DLG2: variants seen among roughly 807,000 people sequenced by gnomAD.
DLG2 encodes discs large MAGUK scaffold protein 2.
In DLG2, 45 loss-of-function variants were observed where a neutral mutation model predicts 132.5. The ratio of observed to expected loss-of-function variants is 0.34; its 90% CI spans 0.27 to 0.44. The LOEUF (loss-of-function observed/expected upper bound fraction) is 0.44. DLG2 is among the 20% of genes least tolerant of loss of function. The probability of loss-of-function intolerance (pLI) is 1.00; values close to 1 mark genes in which losing one functional copy is unlikely to be tolerated. For missense variants in DLG2, 1,045 were observed against 1,196.9 expected (o/e 0.87, Z 1.87); for synonymous variants, 424 against 419.6 (o/e 1.01, Z -0.13).
intron 6 of DLG2, among the ~76,000 whole-genome samples, chr11:84,619,920 C>G (rs2099610946): frequency 6.6e-6 from 1 of 151,092 alleles, no homozygotes; most frequent in Non-Finnish European, 1.5e-5. Context: ...CAAAAATAAC[C>G]CCAATAAGAA....
At chr11:84,765,746 T>A (rs1180363875) in intron 6 of DLG2, among the ~76,000 whole-genome samples, 2 of 152,042 alleles carry the variant, frequency 1.3e-5, no homozygotes, top group African/African-American at 2.4e-5. Flanking sequence ...TAAAAGTAAT[T>A]TACATAAATA....
intron 9 of DLG2, among the ~76,000 whole-genome samples, chr11:84,104,435 G>A (rs2092761886): frequency 6.6e-6 from 1 of 152,036 alleles, no homozygotes; most frequent in Non-Finnish European, 1.5e-5. Context: ...AAGAAGGAAG[G>A]AAAGGGAAAA....
intron 2 of DLG2, among the ~76,000 whole-genome samples, chr11:85,625,690 T>C (rs1220113746): frequency 1.3e-5 from 2 of 152,240 alleles, no homozygotes; most frequent in Non-Finnish European, 2.9e-5. Context: ...CTCACATAAC[T>C]GGACAACATT....
intron 8 of DLG2, among the ~76,000 whole-genome samples, chr11:84,190,888 A>G (rs2096394332): frequency 6.6e-6 from 1 of 152,212 alleles, no homozygotes; most frequent in Non-Finnish European, 1.5e-5. Flanking sequence ...AGTTGGATAT[A>G]CTAGTTTATT....
intron 6 of DLG2, among the ~76,000 whole-genome samples, chr11:85,009,769 T>C (rs1293882353): frequency 6.6e-6 from 1 of 152,116 alleles, no homozygotes. Context: ...ATGGTGGCTA[T>C]TGCTATCGAT....
chr11:84,308,719 C>T (rs2154386330), intron 7 of DLG2, among the ~76,000 whole-genome samples: 1 of 152,306 alleles, frequency 6.6e-6, no homozygotes, highest in Admixed American at 6.5e-5. Context: ...AAATCGAGCG[C>T]AGCGCCGGTG....
In DLG2 at chr11:84,591,765, G is replaced by A. The variant is rs1290414711; in HGVS notation, c.358-57034C>T. Among the ~76,000 whole-genome samples the A allele has an allele frequency of 2.6e-5, 4 of 152,188 alleles. 1 individual carries two copies. Among genetic ancestry groups the A allele is most frequent in the Non-Finnish European group, 1.5e-5 (1 of 68,026 alleles). On this transcript the variant is annotated intron_variant, in intron 6 of 27. Transcript: ENST00000376104. ...TGCTACACTTAGAATTACCTGGGAAGCATTTACAACTCCTGATACCCAGTT... is the reference window on the plus strand; with the variant it reads ...TGCTACACTTAGAATTACCTGGGAAACATTTACAACTCCTGATACCCAGTT...
rs143332158 is a variant in DLG2 at position 84,083,715 on chromosome 11, A to G, written c.749+15208T>C. 4.0e-3 allele frequency among the ~76,000 whole-genome samples: 612 copies of G among 152,282 alleles called. 5 individuals are homozygous for G. The highest frequency in any genetic ancestry group is 0.014 in the African/African-American group (598 of 41,556). ...GGGATGGCCTTTGTCAGATGCTGGTACCATGCTCTTGGACTTGCCAGCCTC... is the reference window on the plus strand; with the variant it reads ...GGGATGGCCTTTGTCAGATGCTGGTGCCATGCTCTTGGACTTGCCAGCCTC... On this transcript the variant is annotated intron_variant, in intron 10 of 27. Coordinates refer to ENST00000376104, the MANE Select transcript of DLG2 (RefSeq NM_001142699.3).
intron 17 of DLG2, chr11:83,790,703 G>T: frequency 1.2e-6 from 1 of 809,408 alleles, no homozygotes; most frequent in Non-Finnish European, 2.2e-6. Context: ...TGACTCCCGT[G>T]GTGCCAGTCA....
intron 6 of DLG2, among the ~76,000 whole-genome samples, chr11:84,580,983 T>A (rs958711876): frequency 2.0e-5 from 3 of 152,196 alleles, no homozygotes; most frequent in African/African-American, 7.2e-5. Context: ...TTTTCAGAAG[T>A]GCTAACACCA....
At chr11:85,235,018 C>T (rs147216350) in intron 4 of DLG2, among the ~76,000 whole-genome samples, 102 of 151,890 alleles carry the variant, frequency 6.7e-4, no homozygotes, top group African/African-American at 2.4e-3. Flanking sequence ...GGAAGACTAA[C>T]AACAATTGAA....
chr11:85,516,544 A>C (rs1287553896), intron 3 of DLG2, among the ~76,000 whole-genome samples: 2 of 152,212 alleles, frequency 1.3e-5, no homozygotes, highest in South Asian at 2.1e-4. Flanking sequence ...CACTAGCTAG[A>C]TTGACCAAGA....
intron 6 of DLG2, among the ~76,000 whole-genome samples, chr11:84,684,863 G>A (rs2099736676): frequency 1.3e-5 from 2 of 152,182 alleles, no homozygotes; most frequent in Admixed American, 1.3e-4. Flanking sequence ...ATTATAATGT[G>A]TTCCCAGATA....
chr11:85,219,113 C>T (rs1325200882), intron 4 of DLG2, among the ~76,000 whole-genome samples: 2 of 152,104 alleles, frequency 1.3e-5, no homozygotes, highest in East Asian at 3.9e-4. Context: ...GAAAAACTAC[C>T]TATCAGGTAC....
intron 3 of DLG2, among the ~76,000 whole-genome samples, chr11:85,486,486 C>T (rs896091361): frequency 1.3e-5 from 2 of 152,168 alleles, no homozygotes; most frequent in Non-Finnish European, 2.9e-5. Flanking sequence ...TAATCCTATC[C>T]CCCAAGTACT....
intron 3 of DLG2, among the ~76,000 whole-genome samples, chr11:85,533,158 G>A (rs2075333097): frequency 6.6e-6 from 1 of 151,918 alleles, no homozygotes. Context: ...CAAGTAGCTG[G>A]GATTACAGGA....
In DLG2 at chr11:83,585,449, G is replaced by A. The variant is rs557939643; in HGVS notation, c.1941-43591C>T. The stretch of plus-strand genomic sequence containing the variant: ...AGATACAGCCATACTTAAACTTTCT[G>A]AGATTTTCCCCCTACACACCTCAAC... On this transcript the variant is annotated intron_variant, in intron 19 of 27. Coordinates refer to ENST00000376104, the MANE Select transcript of DLG2 (RefSeq NM_001142699.3). Among the ~76,000 whole-genome samples the A allele has an allele frequency of 9.4e-4, 143 of 152,238 alleles. 1 individual carries two copies. The highest frequency in any genetic ancestry group is 9.1e-3 in the South Asian group (44 of 4,816).
At chr11:84,325,749 A>T (rs2098427244) in intron 7 of DLG2, among the ~76,000 whole-genome samples, 1 of 152,124 alleles carries the variant, frequency 6.6e-6, no homozygotes, top group South Asian at 2.1e-4. Context: ...CATCAGGGTA[A>T]TGCTAGCCTT....
chr11:84,696,563 G>A (rs867842376), intron 6 of DLG2, among the ~76,000 whole-genome samples: 1 of 151,408 alleles, frequency 6.6e-6, no homozygotes. Context: ...GAGGCTTGAG[G>A]AGCAAGGAGG....
Sources: allele counts gnomAD v4.1 joint callset (sites outside exome capture counted in the v4.1 genomes callset), GRCh38; gene constraint gnomAD v4.1.1; transcripts MANE v1.5; gene names NCBI Gene and HGNC (gene_info 2026-07-23, HGNC 2026-07-21).